Variants in MICU1 observed in about 807,000 individuals in gnomAD.
MICU1 encodes the protein calcium uptake protein 1, mitochondrial.
A neutral mutation model predicts 56.8 loss-of-function variants in MICU1; 45 were observed. The observed-to-expected ratio is 0.79, with a 90% confidence interval of 0.62 to 1.02. The LOEUF (loss-of-function observed/expected upper bound fraction) is 1.02, where lower values mean the gene tolerates loss of function less well. MICU1 is among the 50% of genes least tolerant of loss of function. The pLI is 0.00. For synonymous variants in MICU1, 186 were observed against 195.1 expected, an observed-to-expected ratio of 0.95 and a Z score of 0.39; for missense variants, 504 against 587.1, an observed-to-expected ratio of 0.86 and a Z score of 1.46.
At chr10:72,399,365 G>C (rs189715784) in intron 10 of MICU1, among the ~76,000 whole-genome samples, 11 of 152,260 alleles carry the variant, frequency 7.2e-5, no homozygotes, top group African/African-American at 2.6e-4. Flanking sequence ...TAATGTAAAT[G>C]ATGAGTTGAT....
rs34766476 is a variant in MICU1, at chr10:72,562,918, G to A, written c.307C>T (p.Arg103Cys). The change falls in exon 3 of 12, where the codon CGT becomes TGT. Residue 103 changes from arginine to cysteine, a missense_variant. Transcript: ENST00000361114. ...ACTTTTCTGTCTCTGAATCCAGAAC[G>A]TTTCTTCTTTTTCTCTTCTGGGTGA... ...APHPEEKKKK[R>C]SGFRDRKVME... is the part of the protein sequence containing the mutation. The A allele has an allele frequency of 8.0e-4, 1,279 of 1,597,542 alleles. 5 individuals carry two copies. The African/African-American group carries it at 0.015, about 19-fold the overall frequency.
At chr10:72,606,029 G>C (rs1334967484) in intron 1 of MICU1, among the ~76,000 whole-genome samples, 1 of 151,756 alleles carries the variant, frequency 6.6e-6, no homozygotes, top group East Asian at 1.9e-4. Context: ...TACTCAGGAG[G>C]CTGAGACAGG....
chr10:72,383,500 A>G (rs951337987), intron 10 of MICU1, among the ~76,000 whole-genome samples: 4 of 152,230 alleles, frequency 2.6e-5, no homozygotes, highest in African/African-American at 9.6e-5. Flanking sequence ...ACTTAACAAC[A>G]TATCTTAGAA....
chr10:72,457,986 T>A (rs913212444), intron 8 of MICU1, among the ~76,000 whole-genome samples: 1 of 151,930 alleles, frequency 6.6e-6, no homozygotes, highest in Non-Finnish European at 1.5e-5. Flanking sequence ...CTGGCCAACA[T>A]GGTAAAACCC....
intron 4 of MICU1, among the ~76,000 whole-genome samples, chr10:72,539,288 C>G (rs1441299211): frequency 6.6e-6 from 1 of 152,174 alleles, no homozygotes; most frequent in African/African-American, 2.4e-5. Context: ...ACAGAATACA[C>G]ATTCTTCTCA....
chr10:72,512,702 T>TGTTTTG (rs1867514103), intron 5 of MICU1, among the ~76,000 whole-genome samples: 1 of 151,896 alleles, frequency 6.6e-6, no homozygotes, highest in Non-Finnish European at 1.5e-5. Flanking sequence ...TGTTTTGTTT[T>TGTTTTG]GTTTTGTTTT....
At chr10:72,527,162 C>G (rs2132397059) in intron 5 of MICU1, among the ~76,000 whole-genome samples, 1 of 151,994 alleles carries the variant, frequency 6.6e-6, no homozygotes, top group East Asian at 1.9e-4. Context: ...AGATTAACTT[C>G]AACTCTTAGC....
At position 72,588,045 on chromosome 10, in the gene MICU1, G is replaced by A. The variant is rs577706525; in HGVS notation, c.-1-21251C>T. ...TTAATTGTAATTGCCAGTGTTGGAG[G>A]AGTTGCCTCATGGGAGGTGACTGGA... is the stretch of plus-strand genomic sequence containing the variant. On this transcript the variant is annotated intron_variant, in intron 1 of 11. Transcript: ENST00000361114. Among the ~76,000 whole-genome samples, 8 of 152,222 alleles carry A rather than the reference G, an allele frequency of 5.3e-5. 1 individual carries two copies. The South Asian group carries it at 1.7e-3, about 32-fold the overall frequency.
chr10:72,546,831 TCCCTC>T (rs1479832402), intron 4 of MICU1, among the ~76,000 whole-genome samples: 8 of 151,370 alleles, frequency 5.3e-5, no homozygotes, highest in Non-Finnish European at 1.0e-4. Flanking sequence ...GTTCAAGTGA[TCCCTC>T]CACCTCAGCC....
chr10:72,601,299 T>C (rs1008772993), intron 1 of MICU1, among the ~76,000 whole-genome samples: 3 of 151,640 alleles, frequency 2.0e-5, no homozygotes, highest in South Asian at 2.1e-4. Flanking sequence ...TGGTGTGCAT[T>C]TGTGGTCTCA....
chr10:72,555,512 A>G (rs1022440131), intron 3 of MICU1, among the ~76,000 whole-genome samples: 1 of 152,246 alleles, frequency 6.6e-6, no homozygotes, highest in African/African-American at 2.4e-5. Flanking sequence ...GGAAAAGAAT[A>G]TAAAAAGAAT....
At chr10:72,498,600 G>A (rs1439645006) in intron 6 of MICU1, among the ~76,000 whole-genome samples, 1 of 151,914 alleles carries the variant, frequency 6.6e-6, no homozygotes, top group Non-Finnish European at 1.5e-5. Flanking sequence ...AAGAAAGAAA[G>A]AAAGAAAAAA....
intron 2 of MICU1, among the ~76,000 whole-genome samples, chr10:72,566,228 T>C (rs1840435338): frequency 2.6e-5 from 4 of 152,144 alleles, no homozygotes; most frequent in South Asian, 4.2e-4. Flanking sequence ...TGTATTTTTG[T>C]AGAGATGGGT....
chr10:72,492,420 T>C (rs138365104), intron 6 of MICU1, among the ~76,000 whole-genome samples: 14 of 152,232 alleles, frequency 9.2e-5, no homozygotes, highest in African/African-American at 3.1e-4. Context: ...CATGGTAGAA[T>C]TGACAATTTT....
intron 3 of MICU1, among the ~76,000 whole-genome samples, chr10:72,561,517 A>G (rs1840294755): frequency 6.6e-6 from 1 of 152,226 alleles, no homozygotes; most frequent in South Asian, 2.1e-4. Flanking sequence ...AACACATTTA[A>G]TAATTTCATC....
In MICU1 at chr10:72,575,553, C is replaced by T. The variant is rs533999263; in HGVS notation, c.-1-8759G>A. 1.8e-4 allele frequency among the ~76,000 whole-genome samples: 28 copies of T among 152,302 alleles called. No individual in the cohort carries two copies. In the East Asian group the frequency reaches 5.4e-3, roughly 29 times the overall value. On this transcript the variant is annotated intron_variant, in intron 1 of 11. Coordinates refer to ENST00000361114, the MANE Select transcript of MICU1 (RefSeq NM_001195518.2). ...CAAACAAGTCCATTGGTGCCATTTT[C>T]CCAACAGCATACACATACTTTGTGT...
intron 9 of MICU1, among the ~76,000 whole-genome samples, chr10:72,411,321 TTTTA>T (rs1000721384): frequency 2.0e-5 from 3 of 151,530 alleles, no homozygotes; most frequent in African/African-American, 7.3e-5. Flanking sequence ...GCTAAAGCTC[TTTTA>T]CTTTTCTTTT....
chr10:72,504,295 T>C (rs896005943), intron 6 of MICU1, among the ~76,000 whole-genome samples: 10 of 151,986 alleles, frequency 6.6e-5, no homozygotes, highest in Admixed American at 6.6e-4. Context: ...ACCAATGGAA[T>C]AGAACAGAAA....
intron 8 of MICU1, chr10:72,472,986 G>A (rs1325568277): frequency 6.6e-6 from 1 of 152,468 alleles, no homozygotes; most frequent in African/African-American, 2.4e-5. Flanking sequence ...TGTCATCCCA[G>A]CTATTCAGGA....
Sources: allele counts gnomAD v4.1 joint callset (sites outside exome capture counted in the v4.1 genomes callset), GRCh38; gene constraint gnomAD v4.1.1; transcripts MANE v1.5; gene names NCBI Gene and HGNC (gene_info 2026-07-23, HGNC 2026-07-21).